ASXL2: variants seen among roughly 807,000 people sequenced by gnomAD.
ASXL2 encodes ASXL transcriptional regulator 2.
Under a neutral mutation model 122.0 loss-of-function variants are expected in ASXL2, and 23 were observed. The ratio of observed to expected loss-of-function variants is 0.19; its 90% confidence interval spans 0.14 to 0.27. ASXL2 has a LOEUF of 0.27. ASXL2 is among the 10% of genes least tolerant of loss of function. The pLI, the probability that ASXL2 is intolerant of heterozygous loss-of-function variation, is 1.00. For synonymous variants in ASXL2, 650 were observed against 637.0 expected, an observed-to-expected ratio of 1.02 and a Z score of -0.31; for missense variants, 1,518 against 1,713.8, an observed-to-expected ratio of 0.89 and a Z score of 2.02.
intron 4 of ASXL2, among the ~76,000 whole-genome samples, chr2:25,802,028 C>T (rs945495055): frequency 3.3e-5 from 5 of 152,196 alleles, no homozygotes; most frequent in East Asian, 1.9e-4. Flanking sequence ...CTTAAGTCCA[C>T]GCAAAGATTA....
At position 25,744,311 on chromosome 2, in the gene ASXL2, C is replaced by T. The variant is rs374101562; in HGVS notation, c.2026G>A (p.Ala676Thr). 27 of 1,611,626 alleles carry T rather than the reference C, an allele frequency of 1.7e-5. No individual in the cohort carries two copies. Among genetic ancestry groups the T allele is most frequent in the East Asian group, 2.2e-5 (1 of 44,888 alleles). The part of the protein sequence containing the change: ...LVKAQRAAAA[A>T]AAAAAAAASV... ...GCGGCTGCAGCAGCTGCGGCGGCAG[C>T]GGCAGCTGCTGCCCTCTGTGCTTTG... The change falls in exon 13 of 13, where the codon GCT becomes ACT. Residue 676 changes from alanine (A) to threonine (T), a missense_variant. By Grantham distance (58) the Ala-to-Thr change is moderately conservative (BLOSUM62 0). This residue lies in a region of ASXL2 where 48 missense variants were observed against 82.1 expected (regional missense o/e 0.58). Coordinates refer to ENST00000435504, the MANE Select transcript of ASXL2 (RefSeq NM_018263.6). This position sits in a 1 kb window ranked among gnomAD's most constrained non-coding sequence, Gnocchi z 4.7.
chr2:25,838,872 C>T (rs565286968), intron 2 of ASXL2, among the ~76,000 whole-genome samples: 1 of 152,326 alleles, frequency 6.6e-6, no homozygotes, highest in South Asian at 2.1e-4. Context: ...GGACACATCT[C>T]TCTGAATCTT....
intron 3 of ASXL2, among the ~76,000 whole-genome samples, chr2:25,824,291 G>T (rs75750211): frequency 0.01 from 1,592 of 152,152 alleles, 29 homozygotes; most frequent in African/African-American, 0.035. Flanking sequence ...AAGCTGTCTT[G>T]ATTTCTCATT....
chr2:25,775,562 G>A (rs905900171), intron 5 of ASXL2, among the ~76,000 whole-genome samples: 3 of 152,172 alleles, frequency 2.0e-5, no homozygotes, highest in African/African-American at 7.2e-5. Context: ...GAGTTCTCAT[G>A]AGATCTGATG....
Position 25,797,040 on chromosome 2 carries a change from T to C in ASXL2, c.403+2345A>G, listed in dbSNP as rs188115010. 1.3e-3 allele frequency among the ~76,000 whole-genome samples: 205 copies of C among 152,314 alleles called. 1 individual carries two copies. Among genetic ancestry groups the C allele is most frequent in the Non-Finnish European group, 1.9e-3 (132 of 68,032 alleles). ...AATCTAGGGGTTTTATGATGACTTT[T>C]AGATACAAGACCAAAGACACAGTTC... is the stretch of plus-strand genomic sequence containing the variant. On this transcript the variant is annotated intron_variant, in intron 5 of 12. Coordinates refer to ENST00000435504, the MANE Select transcript of ASXL2 (RefSeq NM_018263.6).
chr2:25,788,222 G>T (rs914109233), intron 5 of ASXL2, among the ~76,000 whole-genome samples: 2 of 152,110 alleles, frequency 1.3e-5, no homozygotes, highest in African/African-American at 4.8e-5. Context: ...ATTCCACATG[G>T]TTTATAGATC....
chr2:25,798,838 G>A (rs750092842), intron 5 of ASXL2, among the ~76,000 whole-genome samples: 13 of 152,158 alleles, frequency 8.5e-5, no homozygotes, highest in Non-Finnish European at 1.8e-4. Context: ...AGATTTGAGG[G>A]CAATGAAACT....
At chr2:25,811,376 TA>T (rs1489681502) in intron 3 of ASXL2, among the ~76,000 whole-genome samples, 2 of 150,374 alleles carry the variant, frequency 1.3e-5, no homozygotes, top group Non-Finnish European at 3.0e-5. Flanking sequence ...CTGTATAAAA[TA>T]AAAATTTCTA....
chr2:25,814,864 A>C (rs1368609844), intron 3 of ASXL2, among the ~76,000 whole-genome samples: 1 of 152,218 alleles, frequency 6.6e-6, no homozygotes, highest in East Asian at 1.9e-4. Context: ...ATTCATACCA[A>C]TCTGAATACA....
intron 5 of ASXL2, among the ~76,000 whole-genome samples, chr2:25,774,390 G>A (rs2088512399): frequency 2.0e-5 from 3 of 152,112 alleles, no homozygotes; most frequent in African/African-American, 4.8e-5. Context: ...TGTGATCCCA[G>A]CCGGTCACAA....
chr2:25,810,150 T>C, intron 3 of ASXL2: 1 of 563,936 alleles, frequency 1.8e-6, no homozygotes, highest in African/African-American at 1.9e-5. Flanking sequence ...TTCTTCAGCA[T>C]CACTCAGACA....
At chr2:25,865,923 G>A (rs6730795) in intron 1 of ASXL2, among the ~76,000 whole-genome samples, 151,686 of 152,206 alleles carry the variant, frequency 1, 75,589 homozygotes, top group East Asian at 1. Flanking sequence ...CTGTGGACAC[G>A]TGTAACCACA....
At chr2:25,793,316 T>A (rs1021432509) in intron 5 of ASXL2, among the ~76,000 whole-genome samples, 2 of 152,200 alleles carry the variant, frequency 1.3e-5, no homozygotes, top group African/African-American at 4.8e-5. Context: ...CTGCAGTAGC[T>A]TCTCGTTGCT....
chr2:25,859,959 A>G (rs1341338041), intron 1 of ASXL2, among the ~76,000 whole-genome samples: 1 of 150,818 alleles, frequency 6.6e-6, no homozygotes, highest in African/African-American at 2.5e-5. Context: ...CAAGGTGTGC[A>G]GATTGCTTGA....
intron 1 of ASXL2, chr2:25,856,725 C>G: frequency 7.7e-7 from 1 of 1,297,684 alleles, no homozygotes; most frequent in East Asian, 2.3e-5. Flanking sequence ...AGTCACCGAG[C>G]CGATCTGGTT....
At chr2:25,816,751 A>G (rs1193068663) in intron 3 of ASXL2, among the ~76,000 whole-genome samples, 1 of 151,666 alleles carries the variant, frequency 6.6e-6, no homozygotes, top group East Asian at 2.0e-4. Flanking sequence ...CACTGCCAAA[A>G]GACAGCAAAA....
At chr2:25,827,750 G>C (rs2089395203) in intron 3 of ASXL2, among the ~76,000 whole-genome samples, 1 of 152,090 alleles carries the variant, frequency 6.6e-6, no homozygotes, top group African/African-American at 2.4e-5. Context: ...TTTTAAACAA[G>C]CAGCTTGGGG....
intron 1 of ASXL2, among the ~76,000 whole-genome samples, chr2:25,869,058 G>A (rs936974496): frequency 4.0e-5 from 6 of 151,420 alleles, no homozygotes; most frequent in African/African-American, 1.5e-4. Flanking sequence ...CCAGCTACTC[G>A]GGAGGCTGAG....
In ASXL2 at chr2:25,739,503, C is replaced by G. The variant is rs936136443; in HGVS notation, c.*2526G>C. ...CCAACTGAGAGAACTTAACTGTTCT[C>G]TTGTCTGGTCAAGATTGAGGCAGTG... On this transcript the variant is annotated 3_prime_UTR_variant, in exon 13 of 13. Coordinates refer to ENST00000435504, the MANE Select transcript of ASXL2 (RefSeq NM_018263.6). 7.5e-5 allele frequency: 14 copies of G among 187,774 alleles called. No homozygotes were observed. The highest frequency in any genetic ancestry group is 2.6e-4 in the African/African-American group (11 of 42,678). The allele number at this position is 187,774 out of a possible 1,614,324, so 11.6% of individuals were successfully genotyped here. A position where few individuals can be genotyped will look rare whatever the true frequency, so the allele number is the denominator to read the frequency against.
Sources: allele counts gnomAD v4.1 joint callset (sites outside exome capture counted in the v4.1 genomes callset), GRCh38; gene constraint gnomAD v4.1.1; regional missense constraint gnomAD v4.1.1; non-coding constraint Gnocchi (gnomAD v3.1); transcripts MANE v1.5; gene names NCBI Gene and HGNC (gene_info 2026-07-23, HGNC 2026-07-21).